The following TP53INP1 variants were observed in gnomAD, a reference collection of about 807,000 sequenced individuals.
The protein encoded by TP53INP1 is tumor protein p53 inducible nuclear protein 1, also known as tumor protein p53-inducible nuclear protein 1.
In TP53INP1, 12 loss-of-function variants were observed where a neutral mutation model predicts 21.0. That is an observed-to-expected ratio of 0.57 (90% CI 0.37 to 0.93). TP53INP1 has a LOEUF of 0.93. Among genes scored for constraint, TP53INP1 ranks in the 40% least tolerant of loss-of-function variants. TP53INP1 has a pLI of 0.01. For synonymous variants in TP53INP1, 91 were observed against 94.8 expected (o/e 0.96, Z 0.23); for missense variants, 274 against 294.7 (o/e 0.93, Z 0.51).
At chr8:94,933,165 G>A (rs564659045) in intron 3 of TP53INP1, among the ~76,000 whole-genome samples, 512 of 152,288 alleles carry the variant, frequency 3.4e-3, no homozygotes, top group Non-Finnish European at 5.8e-3. Context: ...GCAGTGAGCC[G>A]AGATTGCGCC....
chr8:94,932,949 G>T (rs1052319493), intron 3 of TP53INP1, among the ~76,000 whole-genome samples: 4 of 152,168 alleles, frequency 2.6e-5, no homozygotes, highest in African/African-American at 9.7e-5. Flanking sequence ...GAGCACAATG[G>T]CTCATGACTG....
rs895198326 is a variant in TP53INP1 at position 94,930,238 on chromosome 8, A to T, written c.*241T>A. The stretch of plus-strand genomic sequence containing the variant: ...AGACACCCCCAAACACTGTAATTAT[A>T]TTGATATGTTTCCAGAAATAATCTG... On this transcript the variant is annotated 3_prime_UTR_variant, in exon 4 of 4. Transcript: ENST00000342697. The T allele has an allele frequency of 5.8e-6, 3 of 521,532 alleles. No homozygotes were observed. Among genetic ancestry groups the T allele is most frequent in the African/African-American group, 5.7e-5 (3 of 52,262 alleles). The allele number at this position is 521,532 out of a possible 1,614,324, so 32.3% of individuals were successfully genotyped here.
In TP53INP1 at chr8:94,930,432, C is replaced by T. The variant is rs117962027; in HGVS notation, c.*47G>A. ...CACTGTACATATACACACATCCATA[C>T]ATGTAAGCACAAACCAAGAGAAACC... On this transcript the variant is annotated 3_prime_UTR_variant, in exon 4 of 4. Transcript: ENST00000342697. 6,347 of 1,607,858 alleles carry T rather than the reference C, an allele frequency of 3.9e-3. 13 individuals are homozygous for T. Among genetic ancestry groups the T allele is most frequent in the Non-Finnish European group, 4.8e-3 (5,604 of 1,175,724 alleles).
chr8:94,937,079 C>T (rs985248733), intron 3 of TP53INP1, among the ~76,000 whole-genome samples: 4 of 152,078 alleles, frequency 2.6e-5, no homozygotes, highest in African/African-American at 9.7e-5. Context: ...ATGGAAGATG[C>T]AAATGCTCAG....
At chr8:94,944,187 T>C (rs1821795841) in intron 1 of TP53INP1, among the ~76,000 whole-genome samples, 1 of 152,210 alleles carries the variant, frequency 6.6e-6, no homozygotes, top group Admixed American at 6.5e-5. Flanking sequence ...ACTCTAGCCC[T>C]GAATCAGCTA....
intron 3 of TP53INP1, 102 bp from the exon 4 acceptor site, chr8:94,930,830 T>C: frequency 2.3e-6 from 3 of 1,296,578 alleles, no homozygotes; most frequent in Non-Finnish European, 3.1e-6. Flanking sequence ...AATTTGTTTA[T>C]GGCTGAATGA....
rs1820303012 is a variant in TP53INP1 at position 94,930,629 on chromosome 8, A to G, written c.573T>C (p.Pro191=). 3.7e-6 allele frequency: 6 copies of G among 1,614,246 alleles called. No homozygotes were observed. The highest frequency in any genetic ancestry group is 1.3e-5 in the African/African-American group (1 of 75,058). The change falls in exon 4 of 4, where the codon CCT becomes CCC. Residue 191 remains proline, a synonymous_variant. Transcript: ENST00000342697. ...TFLEQPKSFR[P]SQWIKEHSER... ...CACTGTGTTCTTTTATCCACTGGGA[A>G]GGGCGAAAGCTCTTGGGTTGTTCCA...
At position 94,927,922 on chromosome 8, in the gene TP53INP1, AGC is replaced by A; in HGVS notation, c.*2555_*2556del. 1.3e-5 allele frequency: 2 copies of A among 151,898 alleles called. 1 individual carries two copies. The highest frequency in any genetic ancestry group is 2.9e-5 in the Non-Finnish European group (2 of 67,828). The allele number at this position is 151,898 out of a possible 1,614,324, so 9.4% of individuals were successfully genotyped here. A position where few individuals can be genotyped will look rare whatever the true frequency, so the allele number is the denominator to read the frequency against. ...TAATATTTACAATAGCAAAAAAAAA[AGC>A]TCATAAAATGCATTTTGGCCATGTT... On this transcript the variant is annotated 3_prime_UTR_variant, in exon 4 of 4. Transcript: ENST00000342697.
chr8:94,946,523 A>T (rs1030385040), intron 1 of TP53INP1, among the ~76,000 whole-genome samples: 2 of 151,700 alleles, frequency 1.3e-5, no homozygotes, highest in African/African-American at 2.4e-5. Context: ...CAACAAAGCA[A>T]GACCCCATCT....
chr8:94,948,941 C>A (rs1037382992), intron 1 of TP53INP1, among the ~76,000 whole-genome samples: 2 of 151,094 alleles, frequency 1.3e-5, no homozygotes, highest in African/African-American at 2.4e-5. Context: ...CCCTGGGCCC[C>A]GGGGGCCGCC....
At chr8:94,946,855 T>A (rs1822062969) in intron 1 of TP53INP1, among the ~76,000 whole-genome samples, 1 of 152,102 alleles carries the variant, frequency 6.6e-6, no homozygotes, top group Non-Finnish European at 1.5e-5. Context: ...TACTTCACAG[T>A]GCCAGTGTAA....
In TP53INP1 at chr8:94,927,237, C is replaced by G. The variant is rs1819973193; in HGVS notation, c.*3242G>C. On this transcript the variant is annotated 3_prime_UTR_variant, in exon 4 of 4. Coordinates refer to ENST00000342697, the MANE Select transcript of TP53INP1 (RefSeq NM_033285.4). ...AATAATGAAGATACTCTTCCTTGCTCGTTTTTCTTAAGAGTACATAAAGAT... is the reference window on the plus strand; with the variant it reads ...AATAATGAAGATACTCTTCCTTGCTGGTTTTTCTTAAGAGTACATAAAGAT... 6.6e-6 allele frequency: 1 copy of G among 152,500 alleles called. No individual in the cohort carries two copies. The highest frequency in any genetic ancestry group is 1.5e-5 in the Non-Finnish European group (1 of 68,006). The allele number at this position is 152,500 out of a possible 1,614,324, so 9.4% of individuals were successfully genotyped here.
At chr8:94,931,805 C>T (rs3019172) in intron 3 of TP53INP1, among the ~76,000 whole-genome samples, 2 of 152,044 alleles carry the variant, frequency 1.3e-5, no homozygotes, top group Non-Finnish European at 2.9e-5. Flanking sequence ...AACCCCATCT[C>T]TACTAAAAAT....
In TP53INP1 at chr8:94,940,211, G is replaced by C; in HGVS notation, c.122C>G (p.Thr41Ser). ...TTCTTCTTCTTCTGCTGAGAAACCA[G>C]TGCAAGTATCTAGATCGTAGTCCAC... ...WILVDFIDTC[T>S]GFSAEEEEEE... The change falls in exon 3 of 4, where the codon ACT becomes AGT. Residue 41 changes from threonine to serine, a missense_variant. Thr to Ser is a moderately conservative substitution (Grantham distance 58, BLOSUM62 1). Transcript: ENST00000342697. 6.2e-7 allele frequency: 1 copy of C among 1,609,278 alleles called. No homozygotes were observed. The highest frequency in any genetic ancestry group is 8.5e-7 in the Non-Finnish European group (1 of 1,177,114).
intron 3 of TP53INP1, among the ~76,000 whole-genome samples, chr8:94,936,119 C>T (rs1300231385): frequency 6.6e-6 from 1 of 152,176 alleles, no homozygotes; most frequent in African/African-American, 2.4e-5. Context: ...AGAATTTCCA[C>T]ATGAGAGGCA....
chr8:94,942,693 GC>G (rs1341942608), intron 1 of TP53INP1, among the ~76,000 whole-genome samples: 3 of 152,220 alleles, frequency 2.0e-5, no homozygotes, highest in Non-Finnish European at 4.4e-5. Context: ...TGTGATGAAT[GC>G]CATGGAAGAA....
chr8:94,930,750 A>T, intron 3 of TP53INP1, 22 bp from the exon 4 acceptor site: 1 of 1,611,578 alleles, frequency 6.2e-7, no homozygotes, highest in Non-Finnish European at 8.5e-7. Flanking sequence ...AAAAGTGGGG[A>T]TGTATTAAAT....
rs748795881 is a variant in TP53INP1, at chr8:94,940,869, C to T, written c.73G>A (p.Glu25Lys). The T allele has an allele frequency of 2.5e-6, 4 of 1,613,760 alleles. No individual in the cohort carries two copies. Among genetic ancestry groups the T allele is most frequent in the Non-Finnish European group, 3.4e-6 (4 of 1,179,888 alleles). The change falls in exon 2 of 4, where the codon GAG becomes AAG. Residue 25 changes from glutamate (E) to lysine (K), a missense_variant. Physicochemically the swap from Glu to Lys is moderately conservative, Grantham distance 56. Coordinates refer to ENST00000342697, the MANE Select transcript of TP53INP1 (RefSeq NM_033285.4). ...AGAATCCATTCATCATCTTCTTTCT[C>T]ATTGAATTCTGGTTCTTGGTTGGAG... ...SSSNQEPEFN[E>K]KEDDEWILVD...
rs147214506 is a variant in TP53INP1 at position 94,944,808 on chromosome 8, C to G, written c.-150-3717G>C. Reference sequence around the variant, plus strand: ...TAAATTGGCCCTTCTGAGCTTCAGTCTCACTGTTGGGAAAATGGGGAGACT... The same window carrying G: ...TAAATTGGCCCTTCTGAGCTTCAGTGTCACTGTTGGGAAAATGGGGAGACT... On this transcript the variant is annotated intron_variant, in intron 1 of 3. Transcript: ENST00000342697. 7.1e-3 allele frequency among the ~76,000 whole-genome samples: 1,082 copies of G among 152,324 alleles called. 12 individuals carry two copies. The highest frequency in any genetic ancestry group is 0.024 in the African/African-American group (998 of 41,566).
Sources: gnomAD v4.1 joint callset for allele counts (sites outside exome capture counted in the v4.1 genomes callset) on GRCh38, gnomAD v4.1.1 for gene constraint, MANE v1.5 for transcripts, NCBI Gene and HGNC (gene_info 2026-07-23, HGNC 2026-07-21) for gene names.